KIAA1958: variants seen among roughly 807,000 people sequenced by gnomAD.
The protein encoded by KIAA1958 is KIAA1958.
Under a neutral mutation model 47.2 loss-of-function variants are expected in KIAA1958, and 14 were observed. The observed-to-expected ratio is 0.30, with a 90% CI of 0.20 to 0.46. The LOEUF (loss-of-function observed/expected upper bound fraction) is 0.46, where lower values mean the gene tolerates loss of function less well. Among genes scored for constraint, KIAA1958 ranks in the 20% least tolerant of loss-of-function variants. The probability of loss-of-function intolerance (pLI) is 1.00; values close to 1 mark genes in which losing one functional copy is unlikely to be tolerated. For synonymous variants in KIAA1958, 354 were observed against 353.3 expected (o/e 1.00, Z -0.02); for missense variants, 803 against 909.2 (o/e 0.88, Z 1.50).
intron 1 of KIAA1958, among the ~76,000 whole-genome samples, chr9:112,550,981 A>G (rs1464973449): frequency 3.3e-5 from 5 of 151,636 alleles, no homozygotes; most frequent in Non-Finnish European, 7.4e-5. Context: ...CTTTCTTTGA[A>G]TGAATGGGGT....
intron 2 of KIAA1958, among the ~76,000 whole-genome samples, chr9:112,589,686 G>A (rs968010864): frequency 6.6e-6 from 1 of 152,210 alleles, no homozygotes; most frequent in African/African-American, 2.4e-5. Flanking sequence ...GATATGTTGT[G>A]AAAAGTAGGA....
At chr9:112,639,487 G>A (rs963010213) in intron 2 of KIAA1958, among the ~76,000 whole-genome samples, 1 of 152,102 alleles carries the variant, frequency 6.6e-6, no homozygotes, top group African/African-American at 2.4e-5. Flanking sequence ...CCTTATGCCA[G>A]GTCACCCCCA....
At chr9:112,658,810 T>A (rs1206014254) in intron 3 of KIAA1958, among the ~76,000 whole-genome samples, 1 of 147,634 alleles carries the variant, frequency 6.8e-6, no homozygotes, top group African/African-American at 2.6e-5. Context: ...ATACAAAAAA[T>A]TAGATCGAGA....
At chr9:112,590,445 G>A (rs1321712976) in intron 2 of KIAA1958, among the ~76,000 whole-genome samples, 2 of 149,572 alleles carry the variant, frequency 1.3e-5, no homozygotes, top group Non-Finnish European at 1.5e-5. Flanking sequence ...TCCCCCTCCC[G>A]GGTTCAAGTG....
intron 2 of KIAA1958, among the ~76,000 whole-genome samples, chr9:112,593,347 A>G (rs997354856): frequency 6.6e-6 from 1 of 152,192 alleles, no homozygotes; most frequent in African/African-American, 2.4e-5. Flanking sequence ...GTTCCCGGCC[A>G]CGAACTAAAA....
chr9:112,578,194 T>C (rs936585047), intron 2 of KIAA1958, among the ~76,000 whole-genome samples: 2 of 152,220 alleles, frequency 1.3e-5, no homozygotes, highest in African/African-American at 2.4e-5. Context: ...CTTTTTACTT[T>C]AGTACCTAAC....
rs1056109383 is a variant in KIAA1958 at position 112,503,642 on chromosome 9, A to G, written c.-25+16524A>G. On this transcript the variant is annotated intron_variant, in intron 1 of 3. Coordinates refer to ENST00000337530, the MANE Select transcript of KIAA1958 (RefSeq NM_133465.4). ...AAAAAAAAAAAAAAAAAAAAGGTCA[A>G]GGGCTCCGCTAGAGTGAAGGAGGGG... is the stretch of plus-strand genomic sequence containing the variant. Among the ~76,000 whole-genome samples, 439 of 150,198 alleles carry G rather than the reference A, an allele frequency of 2.9e-3. 1 individual carries two copies. Among genetic ancestry groups the G allele is most frequent in the African/African-American group, 0.01 (414 of 41,072 alleles).
At chr9:112,499,527 A>T (rs1834098090) in intron 1 of KIAA1958, among the ~76,000 whole-genome samples, 1 of 152,122 alleles carries the variant, frequency 6.6e-6, no homozygotes, top group African/African-American at 2.4e-5. Context: ...TGAAAAGCAT[A>T]TATTCATAAT....
At chr9:112,575,309 G>C in intron 2 of KIAA1958, 58 bp downstream of exon 2, 1 of 1,210,284 alleles carries the variant, frequency 8.3e-7, no homozygotes, top group Non-Finnish European at 1.1e-6. Context: ...ATTCTGCGCC[G>C]TCAGCACTTC....
At chr9:112,637,320 A>T (rs1340575093) in intron 2 of KIAA1958, among the ~76,000 whole-genome samples, 2 of 151,916 alleles carry the variant, frequency 1.3e-5, no homozygotes, top group Non-Finnish European at 2.9e-5. Context: ...TTAGCGCTTG[A>T]CTGCTAACAA....
At chr9:112,555,365 G>C (rs1835222204) in intron 1 of KIAA1958, among the ~76,000 whole-genome samples, 1 of 152,220 alleles carries the variant, frequency 6.6e-6, no homozygotes, top group Non-Finnish European at 1.5e-5. Flanking sequence ...GGAGAGTTGA[G>C]AAACAAGTAA....
At chr9:112,611,959 G>A (rs1296986951) in intron 2 of KIAA1958, among the ~76,000 whole-genome samples, 1 of 151,846 alleles carries the variant, frequency 6.6e-6, no homozygotes, top group Non-Finnish European at 1.5e-5. Context: ...ATATGATAAA[G>A]ATGCCATCAC....
At chr9:112,508,596 C>T (rs1834272706) in intron 1 of KIAA1958, among the ~76,000 whole-genome samples, 1 of 152,188 alleles carries the variant, frequency 6.6e-6, no homozygotes, top group Non-Finnish European at 1.5e-5. Flanking sequence ...CCCTTTTGCA[C>T]ACACTGCTTT....
chr9:112,568,793 T>A (rs927586954), intron 1 of KIAA1958, among the ~76,000 whole-genome samples: 1 of 145,258 alleles, frequency 6.9e-6, no homozygotes, highest in Non-Finnish European at 1.5e-5. Flanking sequence ...GAGGCTGAGG[T>A]GGGAGGGTTA....
chr9:112,486,852 G>A lies in KIAA1958; in HGVS notation c.-291G>A. The stretch of plus-strand genomic sequence containing the variant: ...CCCCTGCCCGCCCGCCGCGCTCCGA[G>A]CCGGGCGCGCGGAGCTCGGGGCGCA... On this transcript the variant is annotated 5_prime_UTR_variant, in exon 1 of 4. Coordinates refer to ENST00000337530, the MANE Select transcript of KIAA1958 (RefSeq NM_133465.4). 7.3e-6 allele frequency: 1 copy of A among 136,722 alleles called. No individual in the cohort carries two copies. The highest frequency in any genetic ancestry group is 2.6e-5 in the African/African-American group (1 of 37,848). 8.5% of individuals were successfully genotyped at this position (136,722 alleles called of 1,614,324 possible).
At chr9:112,561,722 G>A (rs1048743217) in intron 1 of KIAA1958, among the ~76,000 whole-genome samples, 2 of 152,160 alleles carry the variant, frequency 1.3e-5, no homozygotes, top group African/African-American at 4.8e-5. Flanking sequence ...AGGCATGGTG[G>A]TGGGCACCTG....
chr9:112,546,181 A>G (rs1221700188), intron 1 of KIAA1958, among the ~76,000 whole-genome samples: 2 of 152,116 alleles, frequency 1.3e-5, no homozygotes, highest in Non-Finnish European at 2.9e-5. Flanking sequence ...GATGCCAATG[A>G]AAGTGACCTC....
intron 1 of KIAA1958, among the ~76,000 whole-genome samples, chr9:112,494,778 ATT>A (rs1469749154): frequency 6.6e-6 from 1 of 152,026 alleles, no homozygotes; most frequent in Non-Finnish European, 1.5e-5. Flanking sequence ...GTACCTATCT[ATT>A]AAGTTTAGTG....
At chr9:112,549,244 T>C (rs997812242) in intron 1 of KIAA1958, among the ~76,000 whole-genome samples, 94 of 152,354 alleles carry the variant, frequency 6.2e-4, no homozygotes, top group East Asian at 9.6e-4. Context: ...AGTAATGGCA[T>C]TGTGGAAAAG....
Sources: gnomAD v4.1 joint callset for allele counts (sites outside exome capture counted in the v4.1 genomes callset) on GRCh38, gnomAD v4.1.1 for gene constraint, MANE v1.5 for transcripts, NCBI Gene and HGNC (gene_info 2026-07-23, HGNC 2026-07-21) for gene names.